Variants in SULF2 observed in about 807,000 individuals in gnomAD.
SULF2 encodes the protein sulfatase 2.
A neutral mutation model predicts 107.7 loss-of-function variants in SULF2; 52 were observed. That is an observed-to-expected ratio of 0.48 (90% CI 0.39 to 0.61). The LOEUF is 0.61. Ranked by LOEUF, SULF2 falls within the 20% of genes least tolerant of loss-of-function variation. The pLI, the probability that SULF2 is intolerant of heterozygous loss-of-function variation, is 0.00. For missense variants in SULF2, 993 were observed against 1,177.3 expected (o/e 0.84, Z 2.29); for synonymous variants, 460 against 464.3 (o/e 0.99, Z 0.12).
At chr20:47,781,111 G>A (rs2090825859) in intron 1 of SULF2, among the ~76,000 whole-genome samples, 1 of 152,226 alleles carries the variant, frequency 6.6e-6, no homozygotes, top group Non-Finnish European at 1.5e-5. Flanking sequence ...CCCCCCGAAA[G>A]CACAGGATCA....
intron 1 of SULF2, among the ~76,000 whole-genome samples, chr20:47,769,930 G>A (rs2090597465): frequency 1.3e-5 from 2 of 151,990 alleles, no homozygotes; most frequent in South Asian, 2.1e-4. Context: ...GGAACAGAAA[G>A]CGCAACTGTC....
intron 3 of SULF2, among the ~76,000 whole-genome samples, chr20:47,703,075 C>T (rs1293447844): frequency 6.6e-6 from 1 of 152,112 alleles, no homozygotes; most frequent in African/African-American, 2.4e-5. Context: ...AGGCGTCTGC[C>T]ACCATGCCTG....
chr20:47,672,290 T>C lies in SULF2; in HGVS notation c.1484A>G (p.Lys495Arg). The change falls in exon 11 of 21, where the codon AAG (lysine) becomes AGG (arginine). Residue 495 changes from lysine (K) to arginine (R), a missense_variant. Physicochemically the swap from Lys to Arg is conservative, Grantham distance 26. Transcript: ENST00000688720. ...GSRALSNLVPKYYGQGSEACT... is the reference protein window; with the variant it reads ...GSRALSNLVPRYYGQGSEACT... ...GGCCTCGCTGCCCTGCCCGTAGTAC[T>C]TGGGCACGAGGTTGGAGAGGGCTCT... 6.2e-7 allele frequency: 1 copy of C among 1,613,552 alleles called. No individual in the cohort carries two copies. The highest frequency in any genetic ancestry group is 1.1e-5 in the South Asian group (1 of 91,076).
intron 1 of SULF2, among the ~76,000 whole-genome samples, chr20:47,776,568 G>A (rs1158800072): frequency 6.6e-6 from 1 of 152,190 alleles, no homozygotes; most frequent in Non-Finnish European, 1.5e-5. Flanking sequence ...GTTCTTTCAG[G>A]AAGGGACAAT....
rs1471982548 is a variant in SULF2, at chr20:47,678,978, A to G, written c.1065-174T>C. 6.6e-6 allele frequency among the ~76,000 whole-genome samples: 1 copy of G among 151,352 alleles called. No homozygotes were observed. Among genetic ancestry groups the G allele is most frequent in the Admixed American group, 6.6e-5 (1 of 15,200 alleles). ...CAGCTCCCCTCTGCGGCCCAGATTC[A>G]GCTGAACCCCCACTCTGTGCTCGCC... On this transcript the variant is annotated intron_variant, in intron 7 of 20. Transcript: ENST00000688720. The surrounding 1 kb of genome is among the most constrained non-coding windows in gnomAD (Gnocchi z 4.5).
chr20:47,736,937 T>G lies in SULF2; in HGVS notation c.181A>C (p.Met61Leu), dbSNP rs1356111152. The G allele has an allele frequency of 6.2e-7, 1 of 1,614,034 alleles. No homozygotes were observed. Among genetic ancestry groups the G allele is most frequent in the East Asian group, 2.2e-5 (1 of 44,898 alleles). ...TDDQDVELGS[M>L]QVMNKTRRIM... ...CGCCGGGTCTTGTTCATCACCTGCA[T>G]GGAACCTGCAAGTCAAGGGTGGAAG... Residue 61 changes from methionine (M) to leucine (L), a missense_variant, in exon 3 of 21, where the codon ATG becomes CTG. Physicochemically the swap from Met to Leu is conservative, Grantham distance 15 (BLOSUM62 2). Transcript: ENST00000688720.
chr20:47,715,673 C>T (rs1265894928), intron 3 of SULF2, among the ~76,000 whole-genome samples: 1 of 151,960 alleles, frequency 6.6e-6, no homozygotes, highest in Non-Finnish European at 1.5e-5. Flanking sequence ...CCTCTGCCTC[C>T]CGGGTTCCAG....
intron 1 of SULF2, among the ~76,000 whole-genome samples, chr20:47,780,122 T>C (rs1234595077): frequency 6.6e-6 from 1 of 151,232 alleles, no homozygotes; most frequent in Non-Finnish European, 1.5e-5. Context: ...GTTCAAGTGA[T>C]TCTCCTGTCT....
intron 2 of SULF2, among the ~76,000 whole-genome samples, chr20:47,754,162 C>A (rs186920219): frequency 4.1e-4 from 63 of 152,264 alleles, no homozygotes; most frequent in Middle Eastern, 3.4e-3. Flanking sequence ...ACAGAACAAG[C>A]CCCTCGTCTT....
chr20:47,686,084 A>G (rs2087994095), intron 5 of SULF2: 1 of 152,258 alleles, frequency 6.6e-6, no homozygotes, highest in African/African-American at 2.4e-5. Context: ...CTGTAAGGGG[A>G]ACCCTTCTAA....
chr20:47,698,657 A>G (rs191907495), intron 4 of SULF2, among the ~76,000 whole-genome samples: 398 of 152,250 alleles, frequency 2.6e-3, no homozygotes, highest in Admixed American at 5.7e-3. Context: ...ATAGGTGAAT[A>G]TATTTCCTCT....
intron 18 of SULF2, 58 bp from the exon 19 acceptor site, chr20:47,659,788 C>T (rs1040306190): frequency 7.5e-7 from 1 of 1,331,090 alleles, no homozygotes; most frequent in Admixed American, 1.8e-5. Flanking sequence ...CAAAACAACC[C>T]CAACACACCA....
intron 1 of SULF2, among the ~76,000 whole-genome samples, chr20:47,778,044 G>A (rs573972981): frequency 2.0e-5 from 3 of 152,232 alleles, no homozygotes; most frequent in Admixed American, 6.5e-5. Context: ...GGGAGGCTGA[G>A]GTGGGAGAAT....
rs535375678 is a variant in SULF2, at chr20:47,658,458, G to A, written c.2583-66C>T. ...TGGTCTTTATCATGACTTCCTAATCGGTCCTATAGCTGAGGAAGCTTTGCT... is the reference window on the plus strand; with the variant it reads ...TGGTCTTTATCATGACTTCCTAATCAGTCCTATAGCTGAGGAAGCTTTGCT... On this transcript the variant is annotated intron_variant, in intron 20 of 20. Coordinates refer to ENST00000688720, the MANE Select transcript of SULF2 (RefSeq NM_001387048.1). 4.6e-4 allele frequency: 695 copies of A among 1,513,384 alleles called. 8 individuals carry two copies. In the South Asian group the frequency reaches 7.0e-3, roughly 15 times the overall value. The allele number at this position is 1,513,384 out of a possible 1,614,324, so 93.7% of individuals were successfully genotyped here.
chr20:47,709,105 C>CG (rs1568842845), intron 3 of SULF2, among the ~76,000 whole-genome samples: 1 of 152,084 alleles, frequency 6.6e-6, no homozygotes, highest in Admixed American at 6.6e-5. Flanking sequence ...GCATGGGCCC[C>CG]GGGGCTCCTG....
chr20:47,740,961 C>T (rs552388113), intron 2 of SULF2, among the ~76,000 whole-genome samples: 1 of 152,256 alleles, frequency 6.6e-6, no homozygotes, highest in East Asian at 1.9e-4. Context: ...CGGTTCCTCC[C>T]ATCTTTCAGT....
intron 18 of SULF2, 42 bp from the exon 19 acceptor site, chr20:47,659,772 T>C: frequency 6.4e-7 from 1 of 1,572,792 alleles, no homozygotes; most frequent in Non-Finnish European, 8.7e-7. Flanking sequence ...GAGCAGATAG[T>C]TTAGGCAAAA....
At position 47,665,199 on chromosome 20, in the gene SULF2, C is replaced by G; in HGVS notation, c.1997G>C (p.Ser666Thr). The G allele has an allele frequency of 1.2e-6, 2 of 1,610,912 alleles. No homozygotes were observed. The highest frequency in any genetic ancestry group is 1.7e-6 in the Non-Finnish European group (2 of 1,177,040). ...GGAGGTCCCTTTGCTACTGCCTCAC[C>G]TGATTTTGTGACAGTCACATTCTTC... ...RPEECDCHKISYHTQHKGRLK... is the reference protein window; with the variant it reads ...RPEECDCHKITYHTQHKGRLK... Residue 666 changes from serine to threonine, a missense_variant and splice_region_variant, in exon 14 of 21, where the codon AGC (serine) becomes ACC (threonine). By Grantham distance (58) the Ser-to-Thr change is moderately conservative. Transcript: ENST00000688720.
intron 3 of SULF2, among the ~76,000 whole-genome samples, chr20:47,714,985 G>A (rs556742947): frequency 2.6e-5 from 4 of 151,922 alleles, no homozygotes; most frequent in East Asian, 3.9e-4. Context: ...TGGTGCGGTC[G>A]TGGCTCACTG....
Sources: allele counts gnomAD v4.1 joint callset (sites outside exome capture counted in the v4.1 genomes callset), GRCh38; gene constraint gnomAD v4.1.1; non-coding constraint Gnocchi (gnomAD v3.1); transcripts MANE v1.5; gene names NCBI Gene and HGNC (gene_info 2026-07-23, HGNC 2026-07-21).